The following PRDM5 variants were observed in gnomAD, a reference collection of about 807,000 sequenced individuals.
PRDM5 encodes PR/SET domain 5.
PRDM5 carries 56 observed loss-of-function variants against 81.2 expected under a neutral mutation model. The observed-to-expected ratio is 0.69, with a 90% CI of 0.56 to 0.86. The LOEUF (loss-of-function observed/expected upper bound fraction) is 0.86. PRDM5 is among the 40% of genes least tolerant of loss of function. The pLI, the probability that PRDM5 is intolerant of heterozygous loss-of-function variation, is 0.00. For missense variants in PRDM5, 697 were observed against 770.1 expected, an observed-to-expected ratio of 0.91 and a Z score of 1.12; for synonymous variants, 267 against 256.4, an observed-to-expected ratio of 1.04 and a Z score of -0.39.
chr4:120,839,335 T>G (rs1757729595), intron 3 of PRDM5: 3 of 702,274 alleles, frequency 4.3e-6, no homozygotes, highest in South Asian at 1.5e-5. Context: ...GAAGAGGAAC[T>G]TCATTGAGCA....
intron 1 of PRDM5, among the ~76,000 whole-genome samples, chr4:120,907,869 C>T (rs1307507645): frequency 6.6e-6 from 1 of 152,146 alleles, no homozygotes; most frequent in African/African-American, 2.4e-5. Flanking sequence ...CTCTGGCAAG[C>T]GATGTTGAAA....
At chr4:120,732,141 A>G (rs1740354495) in intron 14 of PRDM5, among the ~76,000 whole-genome samples, 1 of 152,184 alleles carries the variant, frequency 6.6e-6, no homozygotes, top group South Asian at 2.1e-4. Context: ...AGGTCATCTA[A>G]AAGACTGGTA....
chr4:120,726,066 G>A (rs781176966), intron 14 of PRDM5, among the ~76,000 whole-genome samples: 4 of 152,200 alleles, frequency 2.6e-5, no homozygotes, highest in Non-Finnish European at 5.9e-5. Flanking sequence ...AAGGTAGAGT[G>A]CTACAGGGGC....
intron 14 of PRDM5, among the ~76,000 whole-genome samples, chr4:120,717,591 A>G (rs1419987694): frequency 1.3e-5 from 2 of 152,246 alleles, no homozygotes; most frequent in Admixed American, 1.3e-4. Flanking sequence ...AGGACTCTGA[A>G]CATGAAGTCT....
At chr4:120,911,325 A>G (rs1766483670) in intron 1 of PRDM5, among the ~76,000 whole-genome samples, 1 of 152,188 alleles carries the variant, frequency 6.6e-6, no homozygotes, top group South Asian at 2.1e-4. Context: ...CAAGAACTCA[A>G]CACTTTGTGC....
rs541265258 is a variant in PRDM5 at position 120,881,725 on chromosome 4, G to A, written c.177+25749C>T. Among the ~76,000 whole-genome samples the A allele has an allele frequency of 1.9e-3, 289 of 152,236 alleles. 2 individuals carry two copies. Among genetic ancestry groups the A allele is most frequent in the Admixed American group, 3.3e-3 (51 of 15,298 alleles). On this transcript the variant is annotated intron_variant, in intron 2 of 15. Coordinates refer to ENST00000264808, the MANE Select transcript of PRDM5 (RefSeq NM_018699.4). ...CTGTATGGAAAGTATTAACTGGGTG[G>A]TGTCTCATGTAATATGACTCACCTA...
At position 120,694,898 on chromosome 4, in the gene PRDM5, G is replaced by A; in HGVS notation, c.*213C>T. The stretch of plus-strand genomic sequence containing the variant: ...ACAAGTTGCATTTTGCAAGGCTATG[G>A]AGTTGTATTTTTTTTCCATTTATAC... On this transcript the variant is annotated 3_prime_UTR_variant, in exon 16 of 16. Coordinates refer to ENST00000264808, the MANE Select transcript of PRDM5 (RefSeq NM_018699.4). 1.8e-6 allele frequency: 1 copy of A among 567,234 alleles called. No homozygotes were observed. Among genetic ancestry groups the A allele is most frequent in the Non-Finnish European group, 3.1e-6 (1 of 320,066 alleles). 35.1% of individuals were successfully genotyped at this position (567,234 alleles called of 1,614,324 possible). A position where few individuals can be genotyped will look rare whatever the true frequency, so the allele number is the denominator to read the frequency against.
chr4:120,794,646 C>A (rs112167205), intron 10 of PRDM5, among the ~76,000 whole-genome samples: 1 of 146,776 alleles, frequency 6.8e-6, no homozygotes, highest in Non-Finnish European at 1.5e-5. Context: ...TTTTTTAAGA[C>A]GGAGTTTCGC....
At chr4:120,736,311 T>A (rs1055153613) in intron 14 of PRDM5, among the ~76,000 whole-genome samples, 1 of 152,004 alleles carries the variant, frequency 6.6e-6, no homozygotes, top group Non-Finnish European at 1.5e-5. Context: ...CTATTGTGAA[T>A]AGTGCTGCAA....
At chr4:120,842,449 A>G (rs1476300662) in intron 3 of PRDM5, among the ~76,000 whole-genome samples, 1 of 152,218 alleles carries the variant, frequency 6.6e-6, no homozygotes, top group African/African-American at 2.4e-5. Flanking sequence ...AAGAGCTGCC[A>G]AAGGAGGCCA....
chr4:120,784,737 T>C (rs1749516788), intron 11 of PRDM5, among the ~76,000 whole-genome samples: 1 of 152,168 alleles, frequency 6.6e-6, no homozygotes. Context: ...TGGAAAATGC[T>C]TTTATATAGA....
intron 14 of PRDM5, among the ~76,000 whole-genome samples, chr4:120,752,408 T>C (rs1192928311): frequency 1.3e-5 from 2 of 152,216 alleles, no homozygotes; most frequent in Non-Finnish European, 2.9e-5. Context: ...TGGGGGATCC[T>C]GCCTAAAATC....
chr4:120,877,946 A>T (rs1762482263), intron 2 of PRDM5, among the ~76,000 whole-genome samples: 1 of 151,788 alleles, frequency 6.6e-6, no homozygotes, highest in African/African-American at 2.4e-5. Context: ...AAAATAATAA[A>T]CAACTAGTTT....
intron 15 of PRDM5, among the ~76,000 whole-genome samples, chr4:120,706,086 T>A (rs75046371): frequency 1.3e-5 from 1 of 78,730 alleles, no homozygotes; most frequent in African/African-American, 4.9e-5. Context: ...ATCCTAGATC[T>A]TTTTTTTTTT....
At chr4:120,920,889 T>C (rs969789231) in intron 1 of PRDM5, among the ~76,000 whole-genome samples, 3 of 152,322 alleles carry the variant, frequency 2.0e-5, no homozygotes, top group African/African-American at 7.2e-5. Flanking sequence ...TTTTGGAAGC[T>C]GTTCATTTCA....
intron 10 of PRDM5, among the ~76,000 whole-genome samples, chr4:120,786,464 T>C (rs1028771776): frequency 4.6e-5 from 7 of 151,594 alleles, no homozygotes; most frequent in African/African-American, 1.4e-4. Context: ...AGGAGAAATA[T>C]GGCATTTAAA....
intron 3 of PRDM5, among the ~76,000 whole-genome samples, chr4:120,834,868 C>T (rs1403601475): frequency 6.6e-6 from 1 of 152,162 alleles, no homozygotes; most frequent in African/African-American, 2.4e-5. Context: ...TTCTGTGTCT[C>T]AAGCCTGCCT....
chr4:120,919,203 G>A (rs756690110), intron 1 of PRDM5, among the ~76,000 whole-genome samples: 3 of 151,964 alleles, frequency 2.0e-5, no homozygotes, highest in Non-Finnish European at 4.4e-5. Context: ...TTTATTTCCT[G>A]CAATTAATTT....
chr4:120,848,558 T>A lies in PRDM5; in HGVS notation c.300+4860A>T, dbSNP rs117633901. Among the ~76,000 whole-genome samples the A allele has an allele frequency of 3.3e-3, 501 of 152,256 alleles. 19 individuals carry two copies. In the East Asian group the frequency reaches 0.076, roughly 23 times the overall value. On this transcript the variant is annotated intron_variant, in intron 3 of 15. Coordinates refer to ENST00000264808, the MANE Select transcript of PRDM5 (RefSeq NM_018699.4). ...TTTCTCATACAGTCACAGTAAATAG[T>A]TAATAAATACATTAATAAGTGAATA...
Sources: gnomAD v4.1 joint callset for allele counts (sites outside exome capture counted in the v4.1 genomes callset) on GRCh38, gnomAD v4.1.1 for gene constraint, MANE v1.5 for transcripts, NCBI Gene and HGNC (gene_info 2026-07-23, HGNC 2026-07-21) for gene names.